The following PHTF2 variants were observed in gnomAD, a reference collection of about 807,000 sequenced individuals.
PHTF2 encodes putative homeodomain transcription factor 2.
A neutral mutation model predicts 101.2 loss-of-function variants in PHTF2; 60 were observed. The observed-to-expected ratio is 0.59, with a 90% confidence interval of 0.48 to 0.73. PHTF2 has a LOEUF of 0.73. Ranked by LOEUF, PHTF2 falls within the 30% of genes least tolerant of loss-of-function variation. PHTF2 has a pLI of 0.00. For synonymous variants in PHTF2, 311 were observed against 307.3 expected, an observed-to-expected ratio of 1.01 and a Z score of -0.13; for missense variants, 747 against 908.7, an observed-to-expected ratio of 0.82 and a Z score of 2.29.
At chr7:77,826,165 A>G (rs1162489247) in intron 1 of PHTF2, among the ~76,000 whole-genome samples, 1 of 152,180 alleles carries the variant, frequency 6.6e-6, no homozygotes, top group African/African-American at 2.4e-5. Context: ...TTCAAGATGG[A>G]GAATTATTTT....
chr7:77,830,033 G>C (rs773734765), intron 1 of PHTF2, among the ~76,000 whole-genome samples: 1 of 152,098 alleles, frequency 6.6e-6, no homozygotes, highest in African/African-American at 2.4e-5. Context: ...TGGTACTTTG[G>C]CAACTTTTTA....
chr7:77,866,153 C>CT (rs1798044985), intron 3 of PHTF2, among the ~76,000 whole-genome samples: 1 of 139,612 alleles, frequency 7.2e-6, no homozygotes, highest in African/African-American at 2.8e-5. Flanking sequence ...CACCACACTC[C>CT]TGCCTGGATG....
intron 12 of PHTF2, among the ~76,000 whole-genome samples, chr7:77,932,118 A>T (rs1804626316): frequency 6.6e-6 from 1 of 152,308 alleles, no homozygotes; most frequent in South Asian, 2.1e-4. Flanking sequence ...AATAAAAAAT[A>T]AAAAGGATGG....
At chr7:77,853,270 T>C (rs1422120265) in intron 2 of PHTF2, among the ~76,000 whole-genome samples, 1 of 152,208 alleles carries the variant, frequency 6.6e-6, no homozygotes, top group African/African-American at 2.4e-5. Context: ...TATTCTTTTT[T>C]CTTTTGTCTC....
At chr7:77,953,989 G>GCA in intron 19 of PHTF2, 95 bp downstream of exon 18, 1 of 909,820 alleles carries the variant, frequency 1.1e-6, no homozygotes, top group Non-Finnish European at 1.7e-6. Context: ...CGGTCATTTT[G>GCA]GTAAGATTGC....
At chr7:77,851,971 C>T (rs538561184) in intron 2 of PHTF2, among the ~76,000 whole-genome samples, 1 of 152,232 alleles carries the variant, frequency 6.6e-6, no homozygotes, top group East Asian at 1.9e-4. Flanking sequence ...CATTGATTCA[C>T]TGGTAATTCA....
intron 2 of PHTF2, among the ~76,000 whole-genome samples, chr7:77,849,114 G>GT (rs550634967): frequency 8.6e-5 from 13 of 151,154 alleles, no homozygotes; most frequent in Non-Finnish European, 1.5e-4. Context: ...CCATGCTGGA[G>GT]TTTTTTTTGT....
chr7:77,944,730 A>C (rs545501859), intron 16 of PHTF2, among the ~76,000 whole-genome samples: 2 of 152,240 alleles, frequency 1.3e-5, no homozygotes, highest in South Asian at 4.1e-4. Flanking sequence ...GATCAGGTGG[A>C]AACTAAGTTT....
At chr7:77,849,276 A>G (rs1796549196) in intron 2 of PHTF2, among the ~76,000 whole-genome samples, 1 of 151,652 alleles carries the variant, frequency 6.6e-6, no homozygotes, top group South Asian at 2.1e-4. Context: ...GGCATGCGCC[A>G]CCATGCCTGG....
chr7:77,933,803 A>C (rs1333626115), intron 12 of PHTF2, among the ~76,000 whole-genome samples: 1 of 150,530 alleles, frequency 6.6e-6, no homozygotes, highest in Non-Finnish European at 1.5e-5. Context: ...AAACAAAATT[A>C]AATTTTTTCA....
At chr7:77,911,120 G>A (rs1802352018) in intron 9 of PHTF2, among the ~76,000 whole-genome samples, 1 of 152,020 alleles carries the variant, frequency 6.6e-6, no homozygotes, top group African/African-American at 2.4e-5. Context: ...TGAATAAAAT[G>A]TATATTATAG....
intron 1 of PHTF2, among the ~76,000 whole-genome samples, chr7:77,812,699 C>T (rs187644031): frequency 6.6e-6 from 1 of 152,100 alleles, no homozygotes; most frequent in Non-Finnish European, 1.5e-5. Flanking sequence ...ACACCATTCT[C>T]CTGCCTCAGC....
intron 3 of PHTF2, among the ~76,000 whole-genome samples, chr7:77,862,624 C>T (rs1449070621): frequency 6.6e-6 from 1 of 152,054 alleles, no homozygotes; most frequent in Non-Finnish European, 1.5e-5. Context: ...CTTCTTATAC[C>T]TGTGGGGTAT....
At chr7:77,894,518 G>A (rs1696979829) in intron 5 of PHTF2, among the ~76,000 whole-genome samples, 1 of 152,160 alleles carries the variant, frequency 6.6e-6, no homozygotes, top group African/African-American at 2.4e-5. Context: ...GTAATAAAGA[G>A]CAAGATTCTT....
chr7:77,854,876 G>A lies in PHTF2; in HGVS notation c.147+42G>A, dbSNP rs189710826. The A allele has an allele frequency of 7.5e-5, 55 of 733,502 alleles. 2 individuals are homozygous for A. The African/African-American group carries it at 8.4e-4, about 11-fold the overall frequency. The allele number at this position is 733,502 out of a possible 1,614,324, so 45.4% of individuals were successfully genotyped here. On this transcript the variant is annotated intron_variant, in intron 3 of 19. Coordinates refer to ENST00000416283, the Ensembl canonical transcript of PHTF2. ...CTGTTCTCTCTGTTCAGGGCAGCAG[G>A]CTTTGCTCTGGCCCATGCTGGGTCC...
At chr7:77,928,990 C>G in intron 11 of PHTF2, 119 bp from the exon 11 acceptor site, 1 of 649,268 alleles carries the variant, frequency 1.5e-6, no homozygotes, top group Non-Finnish European at 2.7e-6. Flanking sequence ...GTCTCACTAT[C>G]TTTTGAGGGT....
intron 15 of PHTF2, among the ~76,000 whole-genome samples, chr7:77,942,179 C>T (rs1358250168): frequency 6.6e-6 from 1 of 152,170 alleles, no homozygotes; most frequent in African/African-American, 2.4e-5. Flanking sequence ...TCTTCACAGG[C>T]CCGCACTCCT....
intron 2 of PHTF2, among the ~76,000 whole-genome samples, chr7:77,851,902 A>G (rs1383950628): frequency 6.6e-6 from 1 of 151,882 alleles, no homozygotes; most frequent in Non-Finnish European, 1.5e-5. Context: ...AAGTTTTAGT[A>G]TGTTGTATTT....
At chr7:77,865,540 A>G (rs1797988482) in intron 3 of PHTF2, among the ~76,000 whole-genome samples, 1 of 152,056 alleles carries the variant, frequency 6.6e-6, no homozygotes, top group Admixed American at 6.6e-5. Context: ...CTTTTATAAT[A>G]TCAATTATTA....
Sources: gnomAD v4.1 joint callset for allele counts (sites outside exome capture counted in the v4.1 genomes callset) on GRCh38, gnomAD v4.1.1 for gene constraint, MANE v1.5 for transcripts, NCBI Gene and HGNC (gene_info 2026-07-23, HGNC 2026-07-21) for gene names.